DCC: variants seen among roughly 807,000 people sequenced by gnomAD.
The protein encoded by DCC is netrin receptor DCC.
DCC carries 58 observed loss-of-function variants against 172.5 expected under a neutral mutation model. The observed-to-expected ratio is 0.34, with a 90% CI of 0.27 to 0.42. The LOEUF (loss-of-function observed/expected upper bound fraction) is 0.42, where lower values mean the gene tolerates loss of function less well. Ranked by LOEUF, DCC falls within the 10% of genes least tolerant of loss-of-function variation. DCC has a pLI of 1.00. For missense variants in DCC, 1,740 were observed against 1,791.0 expected (o/e 0.97, Z 0.51); for synonymous variants, 709 against 644.5 (o/e 1.10, Z -1.52).
intron 5 of DCC, among the ~76,000 whole-genome samples, chr18:53,029,542 A>T (rs2041999799): frequency 6.6e-6 from 1 of 152,144 alleles, no homozygotes; most frequent in African/African-American, 2.4e-5. Flanking sequence ...ACCATACTTC[A>T]TGGAAATTAT....
chr18:53,493,462 T>C (rs1310812560), intron 26 of DCC, among the ~76,000 whole-genome samples: 1 of 152,140 alleles, frequency 6.6e-6, no homozygotes, highest in Non-Finnish European at 1.5e-5. Flanking sequence ...TGGCTGTGGG[T>C]TTGTTGTAAA....
intron 1 of DCC, among the ~76,000 whole-genome samples, chr18:52,390,632 C>G (rs1002526524): frequency 2.6e-5 from 4 of 152,018 alleles, no homozygotes; most frequent in African/African-American, 9.7e-5. Context: ...GGCATCTGCT[C>G]TTGTCACATG....
chr18:52,916,645 C>T (rs573216808), intron 3 of DCC, among the ~76,000 whole-genome samples: 15 of 152,152 alleles, frequency 9.9e-5, no homozygotes, highest in Admixed American at 3.3e-4. Flanking sequence ...TAGCACAAAA[C>T]GTTTATAAAT....
At chr18:52,601,665 C>G (rs2034020525) in intron 1 of DCC, among the ~76,000 whole-genome samples, 1 of 152,072 alleles carries the variant, frequency 6.6e-6, no homozygotes, top group African/African-American at 2.4e-5. Context: ...AGAAACTGCT[C>G]TAACCCTCTC....
intron 28 of DCC, among the ~76,000 whole-genome samples, chr18:53,529,016 T>C (rs1020565363): frequency 9.3e-6 from 1 of 107,972 alleles, no homozygotes; most frequent in Non-Finnish European, 2.0e-5. Flanking sequence ...TCTCTCTCTC[T>C]CTCTCTCTCT....
intron 5 of DCC, among the ~76,000 whole-genome samples, chr18:53,027,313 A>G (rs185271825): frequency 8.3e-4 from 126 of 152,312 alleles, no homozygotes; most frequent in African/African-American, 2.9e-3. Context: ...CAGCTCAGCA[A>G]TGAATAAGCC....
intron 1 of DCC, among the ~76,000 whole-genome samples, chr18:52,519,043 G>C (rs2031728447): frequency 6.6e-6 from 1 of 152,144 alleles, no homozygotes; most frequent in Non-Finnish European, 1.5e-5. Flanking sequence ...TTATAGTTTT[G>C]GATAACAGAT....
intron 1 of DCC, among the ~76,000 whole-genome samples, chr18:52,582,956 A>G (rs976094864): frequency 6.6e-6 from 1 of 152,224 alleles, no homozygotes; most frequent in African/African-American, 2.4e-5. Context: ...AATATAGTCA[A>G]GTCCAACATA....
chr18:52,585,865 C>T (rs538261317), intron 1 of DCC, among the ~76,000 whole-genome samples: 53 of 152,186 alleles, frequency 3.5e-4, no homozygotes, highest in Non-Finnish European at 5.7e-4. Context: ...GAGTGGATCA[C>T]GAGGTTAGGT....
At chr18:53,082,768 C>T (rs1410828913) in intron 7 of DCC, among the ~76,000 whole-genome samples, 1 of 151,954 alleles carries the variant, frequency 6.6e-6, no homozygotes, top group East Asian at 1.9e-4. Context: ...AACACACATG[C>T]TAACTTTATT....
At chr18:52,801,528 T>C (rs1267985544) in intron 2 of DCC, among the ~76,000 whole-genome samples, 1 of 152,196 alleles carries the variant, frequency 6.6e-6, no homozygotes, top group Non-Finnish European at 1.5e-5. Context: ...CTTAGTCAAA[T>C]AAATGCAGAA....
chr18:52,893,741 G>A (rs531392141), intron 2 of DCC, among the ~76,000 whole-genome samples: 11 of 152,022 alleles, frequency 7.2e-5, no homozygotes, highest in Non-Finnish European at 1.5e-4. Flanking sequence ...TTAATATACC[G>A]GAAACATATG....
rs565352615 is a variant in DCC at position 52,837,485 on chromosome 18, C to T, written c.413-68559C>T. 3.6e-4 allele frequency among the ~76,000 whole-genome samples: 55 copies of T among 152,290 alleles called. 1 individual carries two copies. In the South Asian group the frequency reaches 0.011, roughly 32 times the overall value. ...ACTCCACAGATCTCTAGGGCAGGGA[C>T]AAAATGCCACCAGTCTCTTTGCATA... On this transcript the variant is annotated intron_variant, in intron 2 of 28. Coordinates refer to ENST00000442544, the MANE Select transcript of DCC (RefSeq NM_005215.4).
intron 1 of DCC, among the ~76,000 whole-genome samples, chr18:52,381,712 G>T (rs1598877949): frequency 6.6e-6 from 1 of 152,040 alleles, no homozygotes; most frequent in Non-Finnish European, 1.5e-5. Context: ...TATAGGTTTT[G>T]GCTTCAAGGT....
intron 5 of DCC, among the ~76,000 whole-genome samples, chr18:53,057,649 T>C (rs941545127): frequency 6.6e-6 from 1 of 152,132 alleles, no homozygotes; most frequent in Non-Finnish European, 1.5e-5. Context: ...TGAAACATTG[T>C]ACATGTGTAT....
At chr18:52,483,772 ATTTTTTTCAAT>A (rs2030074135) in intron 1 of DCC, among the ~76,000 whole-genome samples, 2 of 151,586 alleles carry the variant, frequency 1.3e-5, no homozygotes, top group Non-Finnish European at 2.9e-5. Flanking sequence ...GTTCTGTGAA[ATTTTTTTCAAT>A]TTATTGATGA....
At position 52,466,958 on chromosome 18, in the gene DCC, G is replaced by A. The variant is rs530565141; in HGVS notation, c.91+126080G>A. 5.3e-5 allele frequency among the ~76,000 whole-genome samples: 8 copies of A among 151,928 alleles called. 1 individual carries two copies. Among genetic ancestry groups the A allele is most frequent in the East Asian group, 3.9e-4 (2 of 5,164 alleles). On this transcript the variant is annotated intron_variant, in intron 1 of 28. Transcript: ENST00000442544. ...ACACAGGTTGTCAATGGCAGAACCC[G>A]GATTTCAAATCTAGGTAGCCTGAGT... is the stretch of plus-strand genomic sequence containing the variant.
chr18:52,423,221 G>A (rs2144441089), intron 1 of DCC, among the ~76,000 whole-genome samples: 1 of 152,272 alleles, frequency 6.6e-6, no homozygotes, highest in Middle Eastern at 3.4e-3. Context: ...AGGCAGAAAT[G>A]CCCAAGAAAC....
At chr18:53,304,502 AT>A (rs1420286428) in intron 12 of DCC, among the ~76,000 whole-genome samples, 1 of 152,060 alleles carries the variant, frequency 6.6e-6, no homozygotes, top group Non-Finnish European at 1.5e-5. Flanking sequence ...CATATCTTTG[AT>A]TTACTTACTC....
Sources: gnomAD v4.1 joint callset for allele counts (sites outside exome capture counted in the v4.1 genomes callset) on GRCh38, gnomAD v4.1.1 for gene constraint, MANE v1.5 for transcripts, NCBI Gene and HGNC (gene_info 2026-07-23, HGNC 2026-07-21) for gene names.